The following CAMKMT variants were observed in gnomAD, a reference collection of about 807,000 sequenced individuals.
CAMKMT encodes the protein CaM KMT.
CAMKMT carries 53 observed loss-of-function variants against 48.0 expected under a neutral mutation model. The observed-to-expected ratio is 1.10, with a 90% confidence interval of 0.89 to 1.39. The LOEUF is 1.39. Ranked by LOEUF, CAMKMT falls within the 40% of genes most tolerant of loss-of-function variation. The probability of loss-of-function intolerance (pLI) is 0.00; values close to 1 mark genes in which losing one functional copy is unlikely to be tolerated. For synonymous variants in CAMKMT, 165 were observed against 152.3 expected (o/e 1.08, Z -0.61); for missense variants, 428 against 402.7 (o/e 1.06, Z -0.54).
At chr2:44,545,144 T>G (rs1667327307) in intron 3 of CAMKMT, among the ~76,000 whole-genome samples, 1 of 152,192 alleles carries the variant, frequency 6.6e-6, no homozygotes, top group Non-Finnish European at 1.5e-5. Context: ...TTCCCTTACA[T>G]AGACCTCAAG....
At chr2:44,691,157 A>T (rs1483168682) in intron 3 of CAMKMT, among the ~76,000 whole-genome samples, 1 of 152,192 alleles carries the variant, frequency 6.6e-6, no homozygotes, top group African/African-American at 2.4e-5. Flanking sequence ...TAAGTGTGAG[A>T]GGTGCCTTCC....
At chr2:44,498,919 G>T (rs967834845) in intron 3 of CAMKMT, among the ~76,000 whole-genome samples, 7 of 152,280 alleles carry the variant, frequency 4.6e-5, no homozygotes, top group South Asian at 4.1e-4. Context: ...AATGGCGGGG[G>T]TTGGGGGAGG....
intron 3 of CAMKMT, among the ~76,000 whole-genome samples, chr2:44,449,384 TTA>T (rs901458293): frequency 2.8e-4 from 43 of 152,180 alleles, no homozygotes; most frequent in African/African-American, 1.0e-3. Context: ...GATAATTTGT[TTA>T]ACTGTTTAGT....
At chr2:44,494,415 C>T (rs1027828880) in intron 3 of CAMKMT, among the ~76,000 whole-genome samples, 2 of 151,990 alleles carry the variant, frequency 1.3e-5, no homozygotes, top group Admixed American at 6.5e-5. Context: ...TTTTTTCCCC[C>T]CTCTTCCCTC....
chr2:44,651,614 T>C (rs910608911), intron 3 of CAMKMT, among the ~76,000 whole-genome samples: 20 of 152,202 alleles, frequency 1.3e-4, no homozygotes, highest in Non-Finnish European at 2.8e-4. Flanking sequence ...GAAAGTGGCA[T>C]CTATGATTGC....
At chr2:44,385,778 A>G (rs1214751160) in intron 2 of CAMKMT, among the ~76,000 whole-genome samples, 1 of 152,136 alleles carries the variant, frequency 6.6e-6, no homozygotes, top group Non-Finnish European at 1.5e-5. Context: ...TATCACATTT[A>G]TTGATTTGCA....
At chr2:44,582,232 C>T (rs193114849) in intron 3 of CAMKMT, among the ~76,000 whole-genome samples, 41 of 152,282 alleles carry the variant, frequency 2.7e-4, no homozygotes, top group African/African-American at 9.4e-4. Context: ...TAGATTGCTT[C>T]ACAAATACAT....
chr2:44,644,242 CA>C (rs1009413992), intron 3 of CAMKMT, among the ~76,000 whole-genome samples: 3 of 152,018 alleles, frequency 2.0e-5, no homozygotes, highest in Non-Finnish European at 4.4e-5. Context: ...ATTTTAGGCC[CA>C]AAAAACTATG....
intron 7 of CAMKMT, among the ~76,000 whole-genome samples, chr2:44,725,542 A>G (rs1678733781): frequency 1.3e-5 from 2 of 152,200 alleles, no homozygotes; most frequent in Non-Finnish European, 2.9e-5. Context: ...TGCCAATTCA[A>G]GGTGGAAGGA....
chr2:44,669,991 A>T (rs1675236276), intron 3 of CAMKMT, among the ~76,000 whole-genome samples: 1 of 152,096 alleles, frequency 6.6e-6, no homozygotes, highest in South Asian at 2.1e-4. Context: ...CTTTTCAATG[A>T]TTATAGGCTT....
In CAMKMT at chr2:44,734,309, C is replaced by A. The variant is rs183833476; in HGVS notation, c.624-9313C>A. 3.3e-5 allele frequency among the ~76,000 whole-genome samples: 5 copies of A among 152,040 alleles called. No individual in the cohort carries two copies. The East Asian group carries it at 9.7e-4, about 29-fold the overall frequency. ...TTATGTTTTCATTTATTCTTTGGACCCCAGGTTATTTAGAAGTATATTATT... is the reference window on the plus strand; with the variant it reads ...TTATGTTTTCATTTATTCTTTGGACACCAGGTTATTTAGAAGTATATTATT... On this transcript the variant is annotated intron_variant, in intron 7 of 10. Coordinates refer to ENST00000378494, the MANE Select transcript of CAMKMT (RefSeq NM_024766.5).
chr2:44,500,616 A>G (rs958338565), intron 3 of CAMKMT, among the ~76,000 whole-genome samples: 1 of 151,460 alleles, frequency 6.6e-6, no homozygotes, highest in African/African-American at 2.4e-5. Context: ...TGAATTTATT[A>G]CTTTGTTTTG....
At chr2:44,375,305 G>T (rs1327679424) in intron 2 of CAMKMT, among the ~76,000 whole-genome samples, 3 of 150,218 alleles carry the variant, frequency 2.0e-5, no homozygotes, top group Non-Finnish European at 4.4e-5. Flanking sequence ...CAGTAATGAT[G>T]ATTGAAAAAA....
chr2:44,534,595 C>T (rs148099048), intron 3 of CAMKMT, among the ~76,000 whole-genome samples: 2 of 152,070 alleles, frequency 1.3e-5, no homozygotes, highest in East Asian at 3.9e-4. Flanking sequence ...GAAAACTATA[C>T]AAATATATGG....
intron 3 of CAMKMT, among the ~76,000 whole-genome samples, chr2:44,504,790 C>G (rs139497234): frequency 1.3e-5 from 2 of 152,234 alleles, no homozygotes; most frequent in Non-Finnish European, 2.9e-5. Flanking sequence ...TGTTCAGTGT[C>G]TTGCCCATTG....
intron 9 of CAMKMT, among the ~76,000 whole-genome samples, chr2:44,760,610 CAAA>C (rs1162341532): frequency 5.0e-5 from 3 of 60,350 alleles, no homozygotes; most frequent in African/African-American, 9.9e-5. Context: ...GATTCCATCT[CAAA>C]AAAAAAAAAA....
intron 3 of CAMKMT, among the ~76,000 whole-genome samples, chr2:44,506,585 A>G (rs915856446): frequency 6.6e-6 from 1 of 152,162 alleles, no homozygotes; most frequent in African/African-American, 2.4e-5. Flanking sequence ...TTCTGGTCGG[A>G]CAGAAATAAA....
At chr2:44,432,239 C>A (rs1336297147) in intron 3 of CAMKMT, among the ~76,000 whole-genome samples, 1 of 152,112 alleles carries the variant, frequency 6.6e-6, no homozygotes, top group Non-Finnish European at 1.5e-5. Context: ...TTAGATAAAA[C>A]CAGATACTCC....
chr2:44,374,828 GA>G (rs1348930378), intron 2 of CAMKMT, among the ~76,000 whole-genome samples: 2 of 152,134 alleles, frequency 1.3e-5, no homozygotes, highest in African/African-American at 4.8e-5. Flanking sequence ...TGGCTGCCAA[GA>G]TTTTTTTTTT....
Sources: allele counts gnomAD v4.1 joint callset (sites outside exome capture counted in the v4.1 genomes callset), GRCh38; gene constraint gnomAD v4.1.1; transcripts MANE v1.5; gene names NCBI Gene and HGNC (gene_info 2026-07-23, HGNC 2026-07-21).